TSPAN18: variants seen among roughly 807,000 people sequenced by gnomAD.
TSPAN18 encodes tetraspanin 18, also known as tetraspanin-18.
Under a neutral mutation model 27.3 loss-of-function variants are expected in TSPAN18, and 14 were observed. That is an observed-to-expected ratio of 0.51 (90% confidence interval 0.34 to 0.80). The LOEUF is 0.80. TSPAN18 is among the 30% of genes least tolerant of loss of function. The pLI, the probability that TSPAN18 is intolerant of heterozygous loss-of-function variation, is 0.01. For missense variants in TSPAN18, 268 were observed against 323.9 expected (o/e 0.83, Z 1.32); for synonymous variants, 143 against 136.5 (o/e 1.05, Z -0.33).
At chr11:44,766,236 G>C (rs1028717060) in intron 2 of TSPAN18, among the ~76,000 whole-genome samples, 2 of 152,184 alleles carry the variant, frequency 1.3e-5, no homozygotes, top group East Asian at 3.9e-4. Flanking sequence ...CGGCTCCCAG[G>C]GGCAGATAAA....
chr11:44,905,569 G>A (rs1421361496), intron 3 of TSPAN18, among the ~76,000 whole-genome samples: 1 of 152,220 alleles, frequency 6.6e-6, no homozygotes, highest in Non-Finnish European at 1.5e-5. Context: ...CATGTCTTGT[G>A]CACCTTGAGG....
At chr11:44,840,079 T>C (rs1465432651) in intron 2 of TSPAN18, among the ~76,000 whole-genome samples, 1 of 152,228 alleles carries the variant, frequency 6.6e-6, no homozygotes, top group Non-Finnish European at 1.5e-5. Flanking sequence ...AAAACCAATG[T>C]GCTGCCTCGG....
At chr11:44,741,457 G>A (rs1320041483) in intron 1 of TSPAN18, among the ~76,000 whole-genome samples, 2 of 151,916 alleles carry the variant, frequency 1.3e-5, no homozygotes, top group African/African-American at 4.8e-5. Context: ...ATGTGTGTGT[G>A]TGTGTGTGTG....
rs550953599 is a variant in TSPAN18 at position 44,789,735 on chromosome 11, A to G, written c.-153+25223A>G. On this transcript the variant is annotated intron_variant, in intron 2 of 9. Coordinates refer to ENST00000520358, the MANE Select transcript of TSPAN18 (RefSeq NM_130783.5). ...AAGAAAAAAAATACCCCAGATCAGTAGGAAATGACTCTTTATTTTCCTTGA... is the reference window on the plus strand; with the variant it reads ...AAGAAAAAAAATACCCCAGATCAGTGGGAAATGACTCTTTATTTTCCTTGA... Among the ~76,000 whole-genome samples the G allele has an allele frequency of 5.9e-5, 9 of 152,344 alleles. No homozygotes were observed. The South Asian group carries it at 1.9e-3, about 32-fold the overall frequency.
chr11:44,835,710 T>A (rs1046465724), intron 2 of TSPAN18, among the ~76,000 whole-genome samples: 2 of 152,228 alleles, frequency 1.3e-5, no homozygotes, highest in East Asian at 3.8e-4. Context: ...ATTGTGTTTT[T>A]GTTTATTTTT....
intron 2 of TSPAN18, among the ~76,000 whole-genome samples, chr11:44,815,209 C>G (rs1297382812): frequency 6.6e-6 from 1 of 152,230 alleles, no homozygotes; most frequent in Non-Finnish European, 1.5e-5. Flanking sequence ...CCACTGGGAC[C>G]TGCCTTCTAC....
intron 3 of TSPAN18, among the ~76,000 whole-genome samples, chr11:44,880,511 G>T (rs1419000329): frequency 6.6e-6 from 1 of 152,322 alleles, no homozygotes; most frequent in African/African-American, 2.4e-5. Context: ...GGCACATGGG[G>T]CATATTCACC....
chr11:44,866,925 A>G (rs1268447333), intron 3 of TSPAN18, among the ~76,000 whole-genome samples: 2 of 68,516 alleles, frequency 2.9e-5, no homozygotes, highest in Non-Finnish European at 4.8e-5. Flanking sequence ...CAAATTGGGG[A>G]AAAAAAGTCT....
At chr11:44,901,812 A>C (rs1430553341) in intron 3 of TSPAN18, among the ~76,000 whole-genome samples, 4 of 152,184 alleles carry the variant, frequency 2.6e-5, no homozygotes, top group African/African-American at 9.7e-5. Flanking sequence ...CTGTGCATAC[A>C]AGCTGTGTGA....
At chr11:44,802,609 GCA>G (rs3222524) in intron 2 of TSPAN18, among the ~76,000 whole-genome samples, 173 of 142,478 alleles carry the variant, frequency 1.2e-3, no homozygotes, top group Middle Eastern at 7.0e-3. Context: ...GGGAAGCACT[GCA>G]CACACACACA....
intron 3 of TSPAN18, among the ~76,000 whole-genome samples, chr11:44,864,181 G>A (rs1857972085): frequency 6.6e-6 from 1 of 151,804 alleles, no homozygotes; most frequent in Non-Finnish European, 1.5e-5. Flanking sequence ...CAGCTACTTG[G>A]GAGGCTGAGG....
At chr11:44,748,930 C>T (rs192064885) in intron 1 of TSPAN18, among the ~76,000 whole-genome samples, 9 of 152,254 alleles carry the variant, frequency 5.9e-5, no homozygotes, top group Admixed American at 1.3e-4. Flanking sequence ...TTGTGTGTAC[C>T]GCCCTGTTGA....
intron 2 of TSPAN18, among the ~76,000 whole-genome samples, chr11:44,822,618 G>C (rs1329451437): frequency 6.6e-6 from 1 of 151,898 alleles, no homozygotes; most frequent in African/African-American, 2.4e-5. Flanking sequence ...TGTAGTTCCT[G>C]GCTGGCTAGC....
chr11:44,762,861 T>C (rs999935949), intron 1 of TSPAN18, among the ~76,000 whole-genome samples: 1 of 152,160 alleles, frequency 6.6e-6, no homozygotes, highest in Admixed American at 6.5e-5. Context: ...GCCCTGATGC[T>C]GGGGTCTGTG....
intron 2 of TSPAN18, among the ~76,000 whole-genome samples, chr11:44,786,677 G>C (rs561484902): frequency 7.0e-6 from 1 of 142,314 alleles, no homozygotes; most frequent in Non-Finnish European, 1.5e-5. Flanking sequence ...TGTTGCCCAG[G>C]CTGTAGTGCA....
Position 44,770,318 on chromosome 11 carries a change from G to A in TSPAN18, c.-153+5806G>A, listed in dbSNP as rs1194461410. ...GGAGGATTGCTATTATGGATAGGAG[G>A]TACAGGGAAGGCCTTCCTAATCAGA... On this transcript the variant is annotated intron_variant, in intron 2 of 9. Coordinates refer to ENST00000520358, the MANE Select transcript of TSPAN18 (RefSeq NM_130783.5). Among the ~76,000 whole-genome samples, 3 of 152,152 alleles carry A rather than the reference G, an allele frequency of 2.0e-5. No individual in the cohort carries two copies. The East Asian group carries it at 5.8e-4, about 29-fold the overall frequency.
chr11:44,926,255 G>A (rs1267098503), intron 8 of TSPAN18: 2 of 175,878 alleles, frequency 1.1e-5, no homozygotes, highest in South Asian at 1.2e-4. Context: ...GTGGAGTGCT[G>A]TGGATCCCCA....
At chr11:44,925,748 C>T (rs1054813569) in intron 8 of TSPAN18, 5 of 152,136 alleles carry the variant, frequency 3.3e-5, no homozygotes, top group Admixed American at 3.3e-4. Flanking sequence ...AATATGCAGG[C>T]TCCTATAAAG....
intron 3 of TSPAN18, among the ~76,000 whole-genome samples, chr11:44,899,343 C>T (rs1245204024): frequency 7.9e-5 from 12 of 152,220 alleles, no homozygotes; most frequent in African/African-American, 2.7e-4. Flanking sequence ...CTCCAAAACC[C>T]AAGACACTTG....
Sources: allele counts gnomAD v4.1 joint callset (sites outside exome capture counted in the v4.1 genomes callset), GRCh38; gene constraint gnomAD v4.1.1; transcripts MANE v1.5; gene names NCBI Gene and HGNC (gene_info 2026-07-23, HGNC 2026-07-21).